Variants in UQCRB observed in about 807,000 individuals in gnomAD.
UQCRB encodes cytochrome b-c1 complex subunit 7.
A neutral mutation model predicts 19.8 loss-of-function variants in UQCRB; 12 were observed. The ratio of observed to expected loss-of-function variants is 0.61; its 90% CI spans 0.39 to 0.98. The LOEUF (loss-of-function observed/expected upper bound fraction) is 0.98, where lower values mean the gene tolerates loss of function less well. Ranked by LOEUF, UQCRB falls within the 50% of genes least tolerant of loss-of-function variation. The pLI, the probability that UQCRB is intolerant of heterozygous loss-of-function variation, is 0.00. For missense variants in UQCRB, 142 were observed against 131.8 expected (o/e 1.08, Z -0.38); for synonymous variants, 39 against 42.9 (o/e 0.91, Z 0.35).
chr8:96,234,863 AAG>A (rs1809768788), intron 1 of UQCRB: 2 of 195,026 alleles, frequency 1.0e-5, no homozygotes, highest in African/African-American at 2.4e-5. Flanking sequence ...AGAAAGAAAA[AAG>A]AAAAAAAGAA....
rs1383134772 is a variant in UQCRB, at chr8:96,235,503, G to T, written c.19+9C>A. On this transcript the variant is annotated intron_variant, in intron 1 of 3. Coordinates refer to ENST00000287022, the MANE Select transcript of UQCRB (RefSeq NM_006294.5). ...ACGATGCCGGCCAAGAAGACCCCCAGTTACTTACCGGCCTGCTTACCAGCC... is the reference window on the plus strand; with the variant it reads ...ACGATGCCGGCCAAGAAGACCCCCATTTACTTACCGGCCTGCTTACCAGCC... The T allele has an allele frequency of 1.9e-6, 3 of 1,614,088 alleles. No homozygotes were observed. The African/African-American group carries it at 4.0e-5, about 22-fold the overall frequency.
At chr8:96,235,142 T>G (rs1256909399) in intron 1 of UQCRB, 4 of 424,424 alleles carry the variant, frequency 9.4e-6, no homozygotes, top group Non-Finnish European at 1.8e-5. Context: ...ATAGAGCACT[T>G]GGGTCATAGA....
chr8:96,227,255 T>C lies in UQCRB; in HGVS notation c.*3800A>G, dbSNP rs532905703. On this transcript the variant is annotated 3_prime_UTR_variant, in exon 4 of 4. Transcript: ENST00000287022. ...TATATTAGATTTCATTACATCAGTA[T>C]ATAGCTTAGTAGTAAATTCTCCTGA... The C allele has an allele frequency of 1.1e-4, 50 of 454,042 alleles. No individual in the cohort carries two copies. The East Asian group carries it at 1.8e-3, about 16-fold the overall frequency. 28.1% of individuals were successfully genotyped at this position (454,042 alleles called of 1,614,324 possible).
intron 1 of UQCRB, chr8:96,234,457 TG>T: frequency 7.8e-7 from 1 of 1,282,946 alleles, no homozygotes. Context: ...AGTTAGCTAA[TG>T]GGAGTTGAGA....
At position 96,233,077 on chromosome 8, in the gene UQCRB, C is replaced by G. The variant is rs1057455904; in HGVS notation, c.91+79G>C. The G allele has an allele frequency of 5.8e-6, 8 of 1,380,588 alleles. No individual in the cohort carries two copies. In the African/African-American group the frequency reaches 1.2e-4, roughly 20 times the overall value. 85.5% of individuals were successfully genotyped at this position (1,380,588 alleles called of 1,614,324 possible). A position where few individuals can be genotyped will look rare whatever the true frequency, so the allele number is the denominator to read the frequency against. On this transcript the variant is annotated intron_variant, in intron 2 of 3. Transcript: ENST00000287022. Reference sequence around the variant, plus strand: ...GGAACCACAGTAACACTTGCAAAAGCAATACTCTCAGAAAAACAAAAAAAA... The same window carrying G: ...GGAACCACAGTAACACTTGCAAAAGGAATACTCTCAGAAAAACAAAAAAAA...
chr8:96,231,312 A>G (rs1248695522), intron 3 of UQCRB, 180 bp from the exon 4 acceptor site: 1 of 1,551,820 alleles, frequency 6.4e-7, no homozygotes, highest in African/African-American at 1.4e-5. Flanking sequence ...ATGGTGTGAT[A>G]AGTTGCTTTG....
rs1809484244 is a variant in UQCRB, at chr8:96,223,802, G to A, written c.*7253C>T. Among the ~76,000 whole-genome samples the A allele has an allele frequency of 6.6e-6, 1 of 152,184 alleles. No individual in the cohort carries two copies. The highest frequency in any genetic ancestry group is 6.5e-5 in the Admixed American group (1 of 15,272). On this transcript the variant is annotated 3_prime_UTR_variant, in exon 4 of 4. Transcript: ENST00000287022. ...TGTTTTCAGAATGGACAAACCTTCT[G>A]TTTTCTATCATATGGCATCTTTTTA...
chr8:96,231,049 A>G lies in UQCRB; in HGVS notation c.*6T>C. 1 of 1,612,398 alleles carries G rather than the reference A, an allele frequency of 6.2e-7. No homozygotes were observed. The highest frequency in any genetic ancestry group is 8.5e-7 in the Non-Finnish European group (1 of 1,179,466). The stretch of plus-strand genomic sequence containing the variant: ...ACAGCTGCATCCACAGACTTCAACT[A>G]CATGATTACTTCTTTGCCCATTCTT... On this transcript the variant is annotated 3_prime_UTR_variant, in exon 4 of 4. Coordinates refer to ENST00000287022, the MANE Select transcript of UQCRB (RefSeq NM_006294.5).
At position 96,231,086 on chromosome 8, in the gene UQCRB, C is replaced by T. The variant is rs1056268; in HGVS notation, c.305G>A (p.Arg102Lys). The T allele has an allele frequency of 1.5e-5, 25 of 1,613,930 alleles. No individual in the cohort carries two copies. In the African/African-American group the frequency reaches 2.8e-4, roughly 18 times the overall value. Residue 102 changes from arginine (R) to lysine (K), a missense_variant, in exon 4 of 4, where the codon AGA becomes AAA. Arg to Lys is a conservative substitution (Grantham distance 26, BLOSUM62 2). Coordinates refer to ENST00000287022, the MANE Select transcript of UQCRB (RefSeq NM_006294.5). ...CTTTGCCCATTCTTCTCTTTCTTTT[C>T]TTTCCCGAATAACCTCTTTCAGATA... The part of the protein sequence containing the change: ...EPYLKEVIRE[R>K]KEREEWAKK
Position 96,230,975 on chromosome 8 carries a change from G to A in UQCRB, c.*80C>T. ...ATTTATTTAAAGTAAAACATCTTCA[G>A]ACCAAATAATTCTTAAAATTGTTTG... On this transcript the variant is annotated 3_prime_UTR_variant, in exon 4 of 4. Transcript: ENST00000287022. 1.4e-6 allele frequency: 2 copies of A among 1,442,382 alleles called. No homozygotes were observed. Among genetic ancestry groups the A allele is most frequent in the African/African-American group, 1.4e-5 (1 of 71,460 alleles). The allele number at this position is 1,442,382 out of a possible 1,614,324, so 89.3% of individuals were successfully genotyped here. A position where few individuals can be genotyped will look rare whatever the true frequency, so the allele number is the denominator to read the frequency against.
intron 1 of UQCRB, 197 bp downstream of exon 1, chr8:96,235,315 A>C (rs1439454959): frequency 1.3e-6 from 1 of 775,850 alleles, no homozygotes; most frequent in Non-Finnish European, 2.2e-6. Context: ...TTAACATCCC[A>C]ACCCTATACA....
rs752875380 is a variant in UQCRB, at chr8:96,223,163, G to A, written c.*7892C>T. Among the ~76,000 whole-genome samples the A allele has an allele frequency of 2.0e-4, 31 of 152,290 alleles. No homozygotes were observed. The highest frequency in any genetic ancestry group is 3.5e-4 in the Non-Finnish European group (24 of 68,030). On this transcript the variant is annotated 3_prime_UTR_variant, in exon 4 of 4. Coordinates refer to ENST00000287022, the MANE Select transcript of UQCRB (RefSeq NM_006294.5). ...TGTACACTAAAAATTTGCTGAAAGT[G>A]TAGATTTTAGGTGCTCACCAGACAC...
chr8:96,228,416 T>C lies in UQCRB; in HGVS notation c.*2639A>G, dbSNP rs1043741975. 1.3e-5 allele frequency: 6 copies of C among 454,000 alleles called. No homozygotes were observed. Among genetic ancestry groups the C allele is most frequent in the African/African-American group, 1.2e-4 (6 of 50,018 alleles). The allele number at this position is 454,000 out of a possible 1,614,324, so 28.1% of individuals were successfully genotyped here. ...CTGTCATGCAGATCCAGTTCCACTC[T>C]TCTCATCTCCAGCAGGTACTTCACT... On this transcript the variant is annotated 3_prime_UTR_variant, in exon 4 of 4. Coordinates refer to ENST00000287022, the MANE Select transcript of UQCRB (RefSeq NM_006294.5).
intron 2 of UQCRB, 108 bp downstream of exon 2, chr8:96,233,048 T>A: frequency 3.0e-6 from 3 of 1,016,092 alleles, no homozygotes; most frequent in Non-Finnish European, 1.5e-6. Context: ...CTGAAATGGT[T>A]TTTGGAACCA....
In UQCRB at chr8:96,228,114, A is replaced by T; in HGVS notation, c.*2941T>A. 2.2e-6 allele frequency: 1 copy of T among 454,160 alleles called. No homozygotes were observed. The highest frequency in any genetic ancestry group is 4.4e-6 in the Non-Finnish European group (1 of 226,802). The allele number at this position is 454,160 out of a possible 1,614,324, so 28.1% of individuals were successfully genotyped here. On this transcript the variant is annotated 3_prime_UTR_variant, in exon 4 of 4. Transcript: ENST00000287022. Reference sequence around the variant, plus strand: ...GTGATACTAGGTAGTGCACTACAACAGTGAACATAAGCCAGCCATCTGTTT... The same window carrying T: ...GTGATACTAGGTAGTGCACTACAACTGTGAACATAAGCCAGCCATCTGTTT...
rs981748967 is a variant in UQCRB at position 96,230,793 on chromosome 8, G to T, written c.*262C>A. 1.6e-6 allele frequency: 1 copy of T among 613,304 alleles called. No individual in the cohort carries two copies. The highest frequency in any genetic ancestry group is 1.8e-5 in the African/African-American group (1 of 55,348). 38.0% of individuals were successfully genotyped at this position (613,304 alleles called of 1,614,324 possible). On this transcript the variant is annotated 3_prime_UTR_variant, in exon 4 of 4. Transcript: ENST00000287022. ...CATAAACTGATAGGCTATCCAACCA[G>T]TGAGGAAAACTGATAAAGTGGCTTC...
In UQCRB at chr8:96,228,856, G is replaced by A; in HGVS notation, c.*2199C>T. ...CAGGACAATGTAGACCAGACTACAGGACAATGTAGATTTGGTCTACAGGAC... is the reference window on the plus strand; with the variant it reads ...CAGGACAATGTAGACCAGACTACAGAACAATGTAGATTTGGTCTACAGGAC... On this transcript the variant is annotated 3_prime_UTR_variant, in exon 4 of 4. Transcript: ENST00000287022. The A allele has an allele frequency of 2.2e-6, 1 of 454,032 alleles. No homozygotes were observed. The highest frequency in any genetic ancestry group is 4.4e-6 in the Non-Finnish European group (1 of 226,774). 28.1% of individuals were successfully genotyped at this position (454,032 alleles called of 1,614,324 possible). A position where few individuals can be genotyped will look rare whatever the true frequency, so the allele number is the denominator to read the frequency against.
chr8:96,229,585 T>C lies in UQCRB; in HGVS notation c.*1470A>G. 2.2e-6 allele frequency: 1 copy of C among 454,090 alleles called. No homozygotes were observed. 28.1% of individuals were successfully genotyped at this position (454,090 alleles called of 1,614,324 possible). On this transcript the variant is annotated 3_prime_UTR_variant, in exon 4 of 4. Coordinates refer to ENST00000287022, the MANE Select transcript of UQCRB (RefSeq NM_006294.5). ...AATTTTCTGAATAGACAAATGCTTT[T>C]AAAGGGGGTTCTAGACAGCCCATCT...
At position 96,229,167 on chromosome 8, in the gene UQCRB, G is replaced by C. The variant is rs1163272941; in HGVS notation, c.*1888C>G. 8 of 453,974 alleles carry C rather than the reference G, an allele frequency of 1.8e-5. No individual in the cohort carries two copies. Among genetic ancestry groups the C allele is most frequent in the African/African-American group, 6.0e-5 (3 of 50,000 alleles). 28.1% of individuals were successfully genotyped at this position (453,974 alleles called of 1,614,324 possible). On this transcript the variant is annotated 3_prime_UTR_variant, in exon 4 of 4. Transcript: ENST00000287022. ...AAGAATGAAGTAATCTGGAAACATA[G>C]AATAGGCATACACTTTGGCTTTAGG...
Sources: allele counts gnomAD v4.1 joint callset (sites outside exome capture counted in the v4.1 genomes callset), GRCh38; gene constraint gnomAD v4.1.1; transcripts MANE v1.5; gene names NCBI Gene and HGNC (gene_info 2026-07-23, HGNC 2026-07-21).